CLUH: variants seen among roughly 807,000 people sequenced by gnomAD.
The protein encoded by CLUH is CLUH binding protein of NUMT mRNA.
In CLUH, 77 loss-of-function variants were observed where a neutral mutation model predicts 139.3. That is an observed-to-expected ratio of 0.55 (90% CI 0.46 to 0.67). The LOEUF is 0.67. Among genes scored for constraint, CLUH ranks in the 30% least tolerant of loss-of-function variants. The pLI is 0.00. For synonymous variants in CLUH, 999 were observed against 801.6 expected (o/e 1.25, Z -4.16); for missense variants, 1,876 against 1,875.8 (o/e 1.00, Z 0.00).
In CLUH at chr17:2,696,540, T is replaced by C. The variant is rs1046471249; in HGVS notation, c.2186-2A>G. 3 of 1,563,716 alleles carry C rather than the reference T, an allele frequency of 1.9e-6. No individual in the cohort carries two copies. Among genetic ancestry groups the C allele is most frequent in the Non-Finnish European group, 2.6e-6 (3 of 1,158,754 alleles). On this transcript the variant is annotated splice_acceptor_variant, in intron 11 of 25. Coordinates refer to ENST00000651024, the MANE Select transcript of CLUH (RefSeq NM_001366661.1). LOFTEE classifies it high-confidence loss of function. ...TCACCTCCCGGCTCCGAGGGTCTGC[T>C]GTGGAGACATGGCTCCATGAGACAC...
chr17:2,692,390 G>A lies in CLUH; in HGVS notation c.3531C>T (p.His1177=), dbSNP rs767977011. 30 of 1,593,604 alleles carry A rather than the reference G, an allele frequency of 1.9e-5. No individual in the cohort carries two copies. The highest frequency in any genetic ancestry group is 3.4e-5 in the Admixed American group (2 of 59,280). Residue 1177 remains histidine, a synonymous_variant, in exon 22 of 26, where the codon CAC becomes CAT. Coordinates refer to ENST00000651024, the MANE Select transcript of CLUH (RefSeq NM_001366661.1). ...ENALAVSTKY[H]GPKALKVALS... ...GGGCCACCTTGAGGGCCTTGGGCCC[G>A]TGGTACTTGGTGCTGACGGCCAGCG...
intron 1 of CLUH, 45 bp downstream of exon 1, chr17:2,711,517 C>A: frequency 6.4e-6 from 1 of 156,166 alleles, no homozygotes; most frequent in Non-Finnish European, 1.3e-5. Flanking sequence ...CCGCCCTGGT[C>A]CGGCGCCCCC....
chr17:2,704,734 ACCCAGCCGCCCCT>A lies in CLUH; in HGVS notation c.101-183_101-171del, dbSNP rs952832282. On this transcript the variant is annotated intron_variant, in intron 1 of 25. Transcript: ENST00000651024. The surrounding 1 kb of genome is among the most constrained non-coding windows in gnomAD (Gnocchi z 5.7). Reference sequence around the variant, plus strand: ...CCGTGCACCTGCAGGCCACTTCCACACCCAGCCGCCCCTCCCAGCCACTGTTCCCTGGCCCACT... The same window carrying A: ...CCGTGCACCTGCAGGCCACTTCCACACCCAGCCACTGTTCCCTGGCCCACT... Among the ~76,000 whole-genome samples the A allele has an allele frequency of 6.6e-6, 1 of 151,024 alleles. No homozygotes were observed.
At chr17:2,692,172 G>A in intron 22 of CLUH, 75 bp from the exon 23 acceptor site, 1 of 1,476,240 alleles carries the variant, frequency 6.8e-7, no homozygotes, top group East Asian at 2.4e-5. Context: ...CGGGGGCCCG[G>A]GGTCTCCCGT....
chr17:2,694,079 C>T (rs2151697575), intron 18 of CLUH, 40 bp from the exon 19 acceptor site: 13 of 1,613,872 alleles, frequency 8.1e-6, no homozygotes, highest in Middle Eastern at 3.3e-4. Context: ...CAGGACGGGC[C>T]ATGGGGAACC....
In CLUH at chr17:2,701,363, C is replaced by T. The variant is rs1378269919; in HGVS notation, c.899+3G>A. The T allele has an allele frequency of 1.2e-6, 2 of 1,606,136 alleles. No homozygotes were observed. Among genetic ancestry groups the T allele is most frequent in the Non-Finnish European group, 1.7e-6 (2 of 1,176,810 alleles). On this transcript the variant is annotated splice_donor_region_variant and intron_variant, in intron 6 of 25. Transcript: ENST00000651024. ...GGGGTGTGGTGGGCTGGCAGGGACT[C>T]ACTGATTCAGGTAAAAGCCCCGTGT...
At chr17:2,702,430 G>A (rs376982003) in intron 3 of CLUH, among the ~76,000 whole-genome samples, 19 of 152,336 alleles carry the variant, frequency 1.2e-4, no homozygotes, top group South Asian at 4.1e-4. Context: ...CTGCTCTCCC[G>A]AGGCAGCCTC....
rs2070195955 is a variant in CLUH at position 2,701,894 on chromosome 17, GGCCCCAGT to G, written c.619+12_619+19del. On this transcript the variant is annotated intron_variant, in intron 4 of 25. Transcript: ENST00000651024. Reference sequence around the variant, plus strand: ...CTCCCCGCCCTTTGGCCCAATCCCCGGCCCCAGTGCCTCCCGCACCTCCCAGGTCGCCG... The same window carrying G: ...CTCCCCGCCCTTTGGCCCAATCCCCGGCCTCCCGCACCTCCCAGGTCGCCG... 4 of 1,612,716 alleles carry G rather than the reference GGCCCCAGT, an allele frequency of 2.5e-6. No homozygotes were observed. Among genetic ancestry groups the G allele is most frequent in the Admixed American group, 1.7e-5 (1 of 59,984 alleles).
In CLUH at chr17:2,691,597, C is replaced by G. The variant is rs767686612; in HGVS notation, c.3863+12G>C. ...CCAACCGGGAGACACTCGAGTGGGGCGGAGGCCTCACCTGAGAGGAATGAA... is the reference window on the plus strand; with the variant it reads ...CCAACCGGGAGACACTCGAGTGGGGGGGAGGCCTCACCTGAGAGGAATGAA... On this transcript the variant is annotated intron_variant, in intron 25 of 25. Transcript: ENST00000651024. 1.2e-6 allele frequency: 2 copies of G among 1,610,480 alleles called. No individual in the cohort carries two copies. Among genetic ancestry groups the G allele is most frequent in the South Asian group, 2.2e-5 (2 of 90,574 alleles).
chr17:2,694,520 A>C lies in CLUH; in HGVS notation c.2897T>G (p.Ile966Arg). 1 of 1,584,280 alleles carries C rather than the reference A, an allele frequency of 6.3e-7. No individual in the cohort carries two copies. Among genetic ancestry groups the C allele is most frequent in the Admixed American group, 1.8e-5 (1 of 55,742 alleles). Residue 966 changes from isoleucine (I) to arginine (R), a missense_variant, in exon 17 of 26, where the codon ATA becomes AGA. Physicochemically the swap from Ile to Arg is moderately conservative, Grantham distance 97 (BLOSUM62 -3). Around this residue, in one of 3 missense-constraint regions of CLUH, gnomAD observed 1,454 missense variants for 1,384.4 expected, o/e 1.05. Coordinates refer to ENST00000651024, the MANE Select transcript of CLUH (RefSeq NM_001366661.1). The stretch of plus-strand genomic sequence containing the variant: ...CAGCGAGATCTCCCGCAGGAGCGTT[A>C]TCTTCTGCAGGCCGTAGGTCTCCAC... ...QAVETYGLQKITLLREISLKT... is the reference protein window; with the variant it reads ...QAVETYGLQKRTLLREISLKT...
chr17:2,692,378 G>A lies in CLUH; in HGVS notation c.3543C>T (p.Ala1181=). ...CCCCTCACCTGAGGGCCACCTTGAG[G>A]GCCTTGGGCCCGTGGTACTTGGTGC... ...AVSTKYHGPK[A]LKVALSHHLV... The change falls in exon 22 of 26, where the codon GCC becomes GCT. Residue 1181 remains alanine, a synonymous_variant. Coordinates refer to ENST00000651024, the MANE Select transcript of CLUH (RefSeq NM_001366661.1). 2 of 1,588,106 alleles carry A rather than the reference G, an allele frequency of 1.3e-6. No homozygotes were observed. The highest frequency in any genetic ancestry group is 1.7e-6 in the Non-Finnish European group (2 of 1,174,670).
chr17:2,704,715 A>C lies in CLUH; in HGVS notation c.101-151T>G, dbSNP rs753039848. 6.6e-6 allele frequency among the ~76,000 whole-genome samples: 1 copy of C among 151,770 alleles called. No individual in the cohort carries two copies. The highest frequency in any genetic ancestry group is 1.5e-5 in the Non-Finnish European group (1 of 67,952). On this transcript the variant is annotated intron_variant, in intron 1 of 25. Coordinates refer to ENST00000651024, the MANE Select transcript of CLUH (RefSeq NM_001366661.1). The surrounding 1 kb of genome is among the most constrained non-coding windows in gnomAD (Gnocchi z 5.7). ...CACGGTCGCGCCTCGCCCTCCGTGC[A>C]CCTGCAGGCCACTTCCACACCCAGC...
At chr17:2,690,835 G>A (rs1182125882) in intron 25 of CLUH, 58 bp from the exon 26 acceptor site, 23 of 1,324,148 alleles carry the variant, frequency 1.7e-5, no homozygotes, top group East Asian at 5.5e-5. Flanking sequence ...GGCTCCACCC[G>A]CCTCCCGGCT....
intron 10 of CLUH, among the ~76,000 whole-genome samples, chr17:2,697,537 G>A (rs1372713206): frequency 6.6e-6 from 1 of 152,160 alleles, no homozygotes; most frequent in Non-Finnish European, 1.5e-5. Flanking sequence ...CTCTGACATG[G>A]CCATTTCCCC....
chr17:2,695,467 C>T lies in CLUH; in HGVS notation c.2451G>A (p.Val817=), dbSNP rs1436491087. ...GCATGTTGATGCCCCGCTGGCGCAT[C>T]ACCTCTGCCAGCGTTGCCCCGTCCA... is the stretch of plus-strand genomic sequence containing the variant. ...LPVDGATLAE[V]MRQRGINMRY... Residue 817 remains valine, a synonymous_variant, in exon 14 of 26, where the codon GTG becomes GTA. Transcript: ENST00000651024. The T allele has an allele frequency of 6.2e-7, 1 of 1,611,070 alleles. No individual in the cohort carries two copies. The highest frequency in any genetic ancestry group is 1.7e-5 in the Admixed American group (1 of 60,018).
chr17:2,709,675 A>G (rs939584670), intron 1 of CLUH, among the ~76,000 whole-genome samples: 1 of 152,050 alleles, frequency 6.6e-6, no homozygotes, highest in East Asian at 1.9e-4. Context: ...CCGACCCTCA[A>G]TGGCCTAGAT....
chr17:2,706,273 T>C lies in CLUH; in HGVS notation c.101-1709A>G, dbSNP rs1401192769. Among the ~76,000 whole-genome samples the C allele has an allele frequency of 6.6e-6, 1 of 151,904 alleles. No individual in the cohort carries two copies. Among genetic ancestry groups the C allele is most frequent in the Non-Finnish European group, 1.5e-5 (1 of 67,982 alleles). ...GGGGCCTGGAGAGAGTCGCTCCCTT[T>C]CCCTGGATCCCCACGAGCAAACGAG... is the stretch of plus-strand genomic sequence containing the variant. On this transcript the variant is annotated intron_variant, in intron 1 of 25. Coordinates refer to ENST00000651024, the MANE Select transcript of CLUH (RefSeq NM_001366661.1). This position sits in a 1 kb window ranked among gnomAD's most constrained non-coding sequence, Gnocchi z 4.6.
chr17:2,694,822 T>TGC, intron 16 of CLUH, 35 bp downstream of exon 16: 986 of 1,345,664 alleles, frequency 7.3e-4, no homozygotes, highest in Non-Finnish European at 9.1e-4. Flanking sequence ...ATCTGCCCAA[T>TGC]CCCACCCACC....
Position 2,690,341 on chromosome 17 carries a change from G to C in CLUH, c.*253C>G, listed in dbSNP as rs1307486837. ...CGAAGCAACACCTGCCCCCCAGCCG[G>C]GAACTGATGGCCGCACACGCCATTC... is the stretch of plus-strand genomic sequence containing the variant. On this transcript the variant is annotated 3_prime_UTR_variant, in exon 26 of 26. Transcript: ENST00000651024. 2 of 412,910 alleles carry C rather than the reference G, an allele frequency of 4.8e-6. No individual in the cohort carries two copies. The highest frequency in any genetic ancestry group is 8.5e-6 in the Non-Finnish European group (2 of 234,660). 25.6% of individuals were successfully genotyped at this position (412,910 alleles called of 1,614,324 possible).
Sources: allele counts gnomAD v4.1 joint callset (sites outside exome capture counted in the v4.1 genomes callset), GRCh38; gene constraint gnomAD v4.1.1; regional missense constraint gnomAD v4.1.1; non-coding constraint Gnocchi (gnomAD v3.1); transcripts MANE v1.5; gene names NCBI Gene and HGNC (gene_info 2026-07-23, HGNC 2026-07-21).